SEC31A: variants seen among roughly 807,000 people sequenced by gnomAD.
SEC31A encodes SEC31 homolog A, COPII component.
SEC31A carries 70 observed loss-of-function variants against 151.0 expected under a neutral mutation model. The observed-to-expected ratio is 0.46, with a 90% CI of 0.38 to 0.57. SEC31A has a LOEUF of 0.57. SEC31A is among the 20% of genes least tolerant of loss of function. SEC31A has a pLI of 0.00. For missense variants in SEC31A, 1,330 were observed against 1,471.2 expected, an observed-to-expected ratio of 0.90 and a Z score of 1.57; for synonymous variants, 475 against 505.9, an observed-to-expected ratio of 0.94 and a Z score of 0.82.
chr4:82,886,874 CTA>C (rs1740848427), intron 1 of SEC31A, among the ~76,000 whole-genome samples: 2 of 152,164 alleles, frequency 1.3e-5, no homozygotes, highest in African/African-American at 4.8e-5. Context: ...GCCTTATGTG[CTA>C]TCTTATCTCA....
intron 26 of SEC31A, among the ~76,000 whole-genome samples, chr4:82,820,489 T>C (rs1266678409): frequency 3.3e-5 from 5 of 152,138 alleles, no homozygotes; most frequent in Non-Finnish European, 7.4e-5. Context: ...ACAAGACAAT[T>C]TTAGAAAAGA....
At chr4:82,886,137 T>C (rs1740658033) in intron 1 of SEC31A, among the ~76,000 whole-genome samples, 1 of 152,176 alleles carries the variant, frequency 6.6e-6, no homozygotes, top group Non-Finnish European at 1.5e-5. Context: ...ATAGAGGAAA[T>C]ATTAACATTT....
chr4:82,880,804 A>G lies in SEC31A; in HGVS notation c.198T>C (p.Ser66=), dbSNP rs1237475099. ...DMKSCATFSS[S]HRYHKLIWGP... The stretch of plus-strand genomic sequence containing the variant: ...TTTAAAGCTGAACCTCATACCTGTG[A>G]GAAGAGGAGAATGTGGCACAAGATT... The change falls in exon 3 of 27, where the codon TCT becomes TCC. Residue 66 remains serine, a synonymous_variant. Coordinates refer to ENST00000395310, the MANE Select transcript of SEC31A (RefSeq NM_001077207.4). 5 of 1,610,658 alleles carry G rather than the reference A, an allele frequency of 3.1e-6. No homozygotes were observed. In the African/African-American group the frequency reaches 4.0e-5, roughly 13 times the overall value.
chr4:82,841,541 T>A (rs1472081685), intron 22 of SEC31A, among the ~76,000 whole-genome samples: 1 of 144,958 alleles, frequency 6.9e-6, no homozygotes, highest in Non-Finnish European at 1.5e-5. Context: ...CTCAGGAGGC[T>A]GAGGCAGGAG....
chr4:82,878,621 G>A, intron 4 of SEC31A, 109 bp downstream of exon 4: 2 of 855,310 alleles, frequency 2.3e-6, no homozygotes, highest in Non-Finnish European at 3.7e-6. Context: ...AACCTGTATA[G>A]CCACAGTTTT....
chr4:82,868,449 C>T (rs116469407), intron 8 of SEC31A, among the ~76,000 whole-genome samples: 2,416 of 151,830 alleles, frequency 0.016, 61 homozygotes, highest in African/African-American at 0.053. Context: ...TTCAGTGACC[C>T]GTCATGGTGC....
chr4:82,881,806 CA>C lies in SEC31A; in HGVS notation c.79+51del, dbSNP rs1739416353. ...AAGCTTAAACTGAATAAGCTAGGTG[CA>C]GAAGAGAAGAAATTAGGTAACTCAT... On this transcript the variant is annotated intron_variant, in intron 2 of 26. Coordinates refer to ENST00000395310, the MANE Select transcript of SEC31A (RefSeq NM_001077207.4). 3 of 1,356,102 alleles carry C rather than the reference CA, an allele frequency of 2.2e-6. No homozygotes were observed. In the South Asian group the frequency reaches 3.5e-5, roughly 16 times the overall value. 84.0% of individuals were successfully genotyped at this position (1,356,102 alleles called of 1,614,324 possible).
intron 3 of SEC31A, among the ~76,000 whole-genome samples, chr4:82,898,276 T>C (rs1720148675): frequency 6.6e-6 from 1 of 152,114 alleles, no homozygotes; most frequent in African/African-American, 2.4e-5. Context: ...AGAACTTCCA[T>C]GTCAACAGTA....
At chr4:82,886,824 A>G (rs1313107668) in intron 1 of SEC31A, among the ~76,000 whole-genome samples, 2 of 152,174 alleles carry the variant, frequency 1.3e-5, no homozygotes, top group African/African-American at 2.4e-5. Context: ...ACTAGCACAT[A>G]TTGTTTACAT....
chr4:82,848,535 C>CTT (rs1217406849), intron 20 of SEC31A, among the ~76,000 whole-genome samples: 1 of 152,096 alleles, frequency 6.6e-6, no homozygotes, highest in Non-Finnish European at 1.5e-5. Flanking sequence ...TTTAAGTGAA[C>CTT]TTTGAGTGAC....
intron 10 of SEC31A, among the ~76,000 whole-genome samples, chr4:82,864,822 C>CTGGA (rs1734955282): frequency 6.6e-6 from 1 of 151,476 alleles, no homozygotes; most frequent in South Asian, 2.1e-4. Flanking sequence ...GTCACCCAGG[C>CTGGA]TGGAGTGCAA....
chr4:82,844,903 GAAAGAAA>G (rs1729723005), intron 20 of SEC31A, among the ~76,000 whole-genome samples: 1 of 151,962 alleles, frequency 6.6e-6, no homozygotes, highest in Non-Finnish European at 1.5e-5. Flanking sequence ...AAAGGAAAAA[GAAAGAAA>G]AAAGAAAAAA....
upstream of SEC31A, chr4:82,895,913 T>C (rs1720043696): frequency 6.6e-6 from 1 of 152,178 alleles, no homozygotes; most frequent in South Asian, 2.1e-4. Context: ...GTGGAAAAAA[T>C]TTAATCATTG....
intron 4 of SEC31A, 30 bp from the exon 5 acceptor site, chr4:82,875,852 CT>C (rs1560655656): frequency 8.3e-7 from 1 of 1,210,762 alleles, no homozygotes; most frequent in Non-Finnish European, 1.2e-6. Context: ...CTAAATAGCA[CT>C]TATGAATAAT....
chr4:82,862,097 G>C (rs1427841904), intron 13 of SEC31A, among the ~76,000 whole-genome samples: 3 of 151,076 alleles, frequency 2.0e-5, no homozygotes, highest in African/African-American at 7.3e-5. Context: ...ATTTTTAGTA[G>C]AGACAGGGTT....
At chr4:82,842,548 TAA>T in intron 21 of SEC31A, 67 bp from the exon 22 acceptor site, 1 of 1,170,406 alleles carries the variant, frequency 8.5e-7, no homozygotes, top group Non-Finnish European at 1.2e-6. Flanking sequence ...AGCAGAAAAC[TAA>T]AAAGTTATCT....
Position 82,835,085 on chromosome 4 carries a change from G to A in SEC31A, c.2969-6027C>T, listed in dbSNP as rs146643653. Among the ~76,000 whole-genome samples, 1,415 of 152,188 alleles carry A rather than the reference G, an allele frequency of 9.3e-3. 24 individuals are homozygous for A. Among genetic ancestry groups the A allele is most frequent in the African/African-American group, 0.032 (1,343 of 41,510 alleles). On this transcript the variant is annotated intron_variant, in intron 22 of 26. Coordinates refer to ENST00000395310, the MANE Select transcript of SEC31A (RefSeq NM_001077207.4). Reference sequence around the variant, plus strand: ...TGGTCTCGAACTCCTAACTTCAAGCGATGCACCCACTTTGACCTCCCAAAG... The same window carrying A: ...TGGTCTCGAACTCCTAACTTCAAGCAATGCACCCACTTTGACCTCCCAAAG...
chr4:82,845,672 AT>A (rs34730929), intron 20 of SEC31A, among the ~76,000 whole-genome samples: 41,805 of 150,132 alleles, frequency 0.28, 6,812 homozygotes, highest in East Asian at 0.49. Flanking sequence ...TAAAAAAGTG[AT>A]TTTTTTTTTG....
chr4:82,875,362 T>C (rs947564218), intron 5 of SEC31A, among the ~76,000 whole-genome samples: 6 of 152,222 alleles, frequency 3.9e-5, no homozygotes, highest in Admixed American at 2.6e-4. Context: ...CTTGTCTAAG[T>C]GTGTTTTAAG....
Sources: allele counts gnomAD v4.1 joint callset (sites outside exome capture counted in the v4.1 genomes callset), GRCh38; gene constraint gnomAD v4.1.1; transcripts MANE v1.5; gene names NCBI Gene and HGNC (gene_info 2026-07-23, HGNC 2026-07-21).